GSK3B: variants seen among roughly 807,000 people sequenced by gnomAD.
The protein encoded by GSK3B is glycogen synthase kinase-3 beta.
A neutral mutation model predicts 56.4 loss-of-function variants in GSK3B; 15 were observed. That is an observed-to-expected ratio of 0.27 (90% CI 0.18 to 0.41). The LOEUF (loss-of-function observed/expected upper bound fraction) is 0.41. GSK3B is among the 10% of genes least tolerant of loss of function. GSK3B has a pLI of 1.00. For synonymous variants in GSK3B, 181 were observed against 188.9 expected, an observed-to-expected ratio of 0.96 and a Z score of 0.34; for missense variants, 300 against 513.4, an observed-to-expected ratio of 0.58 and a Z score of 4.02.
intron 7 of GSK3B, among the ~76,000 whole-genome samples, chr3:119,891,771 G>C (rs1303633538): frequency 6.6e-6 from 1 of 152,062 alleles, no homozygotes; most frequent in Non-Finnish European, 1.5e-5. Flanking sequence ...ACAAAAGAGG[G>C]GGGAATTTTA....
At chr3:119,913,948 A>G (rs2056758825) in intron 5 of GSK3B, among the ~76,000 whole-genome samples, 1 of 152,100 alleles carries the variant, frequency 6.6e-6, no homozygotes, top group South Asian at 2.1e-4. Flanking sequence ...GGAGACTGTT[A>G]TATCTTCTAA....
intron 2 of GSK3B, among the ~76,000 whole-genome samples, chr3:119,952,400 AT>A (rs2057166135): frequency 6.6e-6 from 1 of 151,266 alleles, no homozygotes; most frequent in Non-Finnish European, 1.5e-5. Flanking sequence ...AGGCAGGAGA[AT>A]TGCTTGAGCC....
chr3:120,024,419 A>G (rs945410471), intron 1 of GSK3B, among the ~76,000 whole-genome samples: 1 of 152,162 alleles, frequency 6.6e-6, no homozygotes, highest in Admixed American at 6.5e-5. Context: ...GACATTCTTT[A>G]TGGTACCTGT....
intron 3 of GSK3B, among the ~76,000 whole-genome samples, chr3:119,927,593 T>C (rs1030785824): frequency 2.6e-5 from 4 of 152,146 alleles, no homozygotes; most frequent in African/African-American, 9.7e-5. Flanking sequence ...GGAAAAATTA[T>C]TTGAACTTTT....
chr3:119,974,929 T>TC (rs1443190847), intron 2 of GSK3B, among the ~76,000 whole-genome samples: 39 of 152,280 alleles, frequency 2.6e-4, no homozygotes, highest in Non-Finnish European at 2.4e-4. Flanking sequence ...TTAGCACTTG[T>TC]TTACAAAACT....
chr3:119,959,880 C>T (rs1239974736), intron 2 of GSK3B, among the ~76,000 whole-genome samples: 1 of 151,912 alleles, frequency 6.6e-6, no homozygotes, highest in East Asian at 1.9e-4. Flanking sequence ...GTCAAGAAAT[C>T]CTGTTGGCTC....
chr3:119,961,142 G>C (rs148813164), intron 2 of GSK3B, among the ~76,000 whole-genome samples: 1 of 151,900 alleles, frequency 6.6e-6, no homozygotes, highest in African/African-American at 2.4e-5. Flanking sequence ...CCTGAGAATA[G>C]AGCTGTGATG....
At chr3:119,831,075 A>C (rs112747417) in intron 10 of GSK3B, among the ~76,000 whole-genome samples, 43 of 152,316 alleles carry the variant, frequency 2.8e-4, no homozygotes, top group Middle Eastern at 3.4e-3. Context: ...TCACACAGCA[A>C]ATCTGAGAAA....
At chr3:119,954,308 AGAAACAG>A (rs2057190650) in intron 2 of GSK3B, among the ~76,000 whole-genome samples, 4 of 125,154 alleles carry the variant, frequency 3.2e-5, no homozygotes, top group Admixed American at 2.4e-4. Flanking sequence ...AGAATAGAAA[AGAAACAG>A]AACAGAACAG....
chr3:119,863,768 G>A (rs1234026925), intron 8 of GSK3B, among the ~76,000 whole-genome samples, 163 bp from the exon 9 acceptor site: 3 of 152,114 alleles, frequency 2.0e-5, no homozygotes, highest in Non-Finnish European at 4.4e-5. Flanking sequence ...GATTCACAGG[G>A]GTGAATTGCT....
At chr3:119,978,573 G>A (rs1009426915) in intron 2 of GSK3B, among the ~76,000 whole-genome samples, 1 of 152,284 alleles carries the variant, frequency 6.6e-6, no homozygotes, top group African/African-American at 2.4e-5. Flanking sequence ...GAAGCAGTGG[G>A]CAACAGCAGC....
intron 3 of GSK3B, among the ~76,000 whole-genome samples, chr3:119,930,713 T>C (rs781061210): frequency 2.0e-5 from 3 of 152,198 alleles, no homozygotes; most frequent in Admixed American, 1.3e-4. Context: ...AGAAGTGTAA[T>C]TGAACAGAAC....
intron 6 of GSK3B, among the ~76,000 whole-genome samples, chr3:119,906,638 G>A (rs951033109): frequency 2.0e-5 from 3 of 151,878 alleles, no homozygotes; most frequent in South Asian, 4.1e-4. Flanking sequence ...TAAACCGTAC[G>A]GTCACTCTAT....
chr3:120,079,876 C>A (rs978002786), intron 1 of GSK3B, among the ~76,000 whole-genome samples: 1 of 152,154 alleles, frequency 6.6e-6, no homozygotes. Flanking sequence ...GAATTGTACC[C>A]TATACCAGCC....
At chr3:120,027,947 G>C (rs1358201902) in intron 1 of GSK3B, among the ~76,000 whole-genome samples, 1 of 151,794 alleles carries the variant, frequency 6.6e-6, no homozygotes, top group Non-Finnish European at 1.5e-5. Context: ...ACTGTCACTG[G>C]GTTCTAAAAA....
At chr3:120,074,911 T>G (rs1395717228) in intron 1 of GSK3B, among the ~76,000 whole-genome samples, 1 of 152,184 alleles carries the variant, frequency 6.6e-6, no homozygotes, top group Non-Finnish European at 1.5e-5. Flanking sequence ...AGCATCACCT[T>G]GATACCTAAG....
At chr3:119,846,417 A>G (rs2055856188) in intron 9 of GSK3B, among the ~76,000 whole-genome samples, 1 of 152,244 alleles carries the variant, frequency 6.6e-6, no homozygotes, top group Non-Finnish European at 1.5e-5. Flanking sequence ...TCCAGAATCT[A>G]CAAGGAACTT....
intron 10 of GSK3B, among the ~76,000 whole-genome samples, chr3:119,841,367 CA>C (rs2108009706): frequency 6.6e-6 from 1 of 152,256 alleles, no homozygotes; most frequent in South Asian, 2.1e-4. Flanking sequence ...TTAAACTGCT[CA>C]AAACCTACTC....
At chr3:119,875,008 C>T (rs1015498975) in intron 8 of GSK3B, among the ~76,000 whole-genome samples, 1 of 151,980 alleles carries the variant, frequency 6.6e-6, no homozygotes, top group African/African-American at 2.4e-5. Context: ...TATCTTCTGA[C>T]CCAGATTTAA....
Sources: allele counts gnomAD v4.1 joint callset (sites outside exome capture counted in the v4.1 genomes callset), GRCh38; gene constraint gnomAD v4.1.1; transcripts MANE v1.5; gene names NCBI Gene and HGNC (gene_info 2026-07-23, HGNC 2026-07-21).